Variants in FSHR observed in about 807,000 individuals in gnomAD.
FSHR encodes follicle stimulating hormone receptor.
Under a neutral mutation model 52.1 loss-of-function variants are expected in FSHR, and 46 were observed. That is an observed-to-expected ratio of 0.88 (90% CI 0.70 to 1.13). The LOEUF is 1.13. Ranked by LOEUF, FSHR falls within the 50% of genes most tolerant of loss-of-function variation. The pLI, the probability that FSHR is intolerant of heterozygous loss-of-function variation, is 0.00. For synonymous variants in FSHR, 399 were observed against 309.6 expected (o/e 1.29, Z -3.03); for missense variants, 964 against 834.6 (o/e 1.16, Z -1.91).
intron 2 of FSHR, among the ~76,000 whole-genome samples, chr2:49,024,873 C>A (rs1667866411): frequency 6.6e-6 from 1 of 152,092 alleles, no homozygotes; most frequent in African/African-American, 2.4e-5. Flanking sequence ...TCCCTGAGTC[C>A]CCAGTGGTTG....
intron 2 of FSHR, among the ~76,000 whole-genome samples, chr2:49,022,794 C>T (rs926188353): frequency 6.6e-6 from 1 of 152,118 alleles, no homozygotes; most frequent in East Asian, 1.9e-4. Flanking sequence ...GTGCAAGGTG[C>T]CTTCATCCTC....
At chr2:49,120,203 G>A (rs1219115521) in intron 1 of FSHR, among the ~76,000 whole-genome samples, 3 of 152,140 alleles carry the variant, frequency 2.0e-5, no homozygotes, top group African/African-American at 4.8e-5. Flanking sequence ...CCAGAGAGGC[G>A]AAGGTTGCAG....
chr2:49,067,990 G>C lies in FSHR; in HGVS notation c.224+229C>G, dbSNP rs1669570363. ...GGGAGCAACCCCTTATTTGAGAAATGATGAAAATTGCTTGGATTGCTCTTT... is the reference window on the plus strand; with the variant it reads ...GGGAGCAACCCCTTATTTGAGAAATCATGAAAATTGCTTGGATTGCTCTTT... On this transcript the variant is annotated intron_variant, in intron 2 of 9. Coordinates refer to ENST00000406846, the MANE Select transcript of FSHR (RefSeq NM_000145.4). Among the ~76,000 whole-genome samples, 3 of 151,512 alleles carry C rather than the reference G, an allele frequency of 2.0e-5. No homozygotes were observed. In the South Asian group the frequency reaches 6.3e-4, roughly 32 times the overall value.
chr2:48,993,932 T>G (rs975185617), intron 4 of FSHR, among the ~76,000 whole-genome samples: 12 of 152,178 alleles, frequency 7.9e-5, no homozygotes, highest in African/African-American at 2.9e-4. Flanking sequence ...CCCTGATTTA[T>G]TCTCAATATA....
chr2:48,977,664 G>A (rs1421103382), intron 8 of FSHR, among the ~76,000 whole-genome samples: 1 of 152,178 alleles, frequency 6.6e-6, no homozygotes, highest in Non-Finnish European at 1.5e-5. Context: ...TTGTACTGGG[G>A]AGTAACATTC....
At chr2:49,041,257 G>C (rs964576842) in intron 2 of FSHR, among the ~76,000 whole-genome samples, 1 of 151,958 alleles carries the variant, frequency 6.6e-6, no homozygotes, top group Non-Finnish European at 1.5e-5. Flanking sequence ...GTATTTTTGT[G>C]GTGCTCATTT....
intron 2 of FSHR, among the ~76,000 whole-genome samples, chr2:49,056,785 A>G (rs866388805): frequency 2.0e-5 from 3 of 152,130 alleles, no homozygotes; most frequent in Non-Finnish European, 1.5e-5. Context: ...TCTCAAAAAA[A>G]TTTTAAAAAT....
intron 8 of FSHR, among the ~76,000 whole-genome samples, chr2:48,979,016 G>T (rs1311465952): frequency 6.6e-6 from 1 of 152,154 alleles, no homozygotes; most frequent in Non-Finnish European, 1.5e-5. Flanking sequence ...ACTGAGCAAG[G>T]CTTCCCAATT....
chr2:48,991,281 A>G (rs190265306), intron 4 of FSHR, among the ~76,000 whole-genome samples: 75 of 152,334 alleles, frequency 4.9e-4, no homozygotes, highest in Non-Finnish European at 7.6e-4. Flanking sequence ...AGCTGTGGGT[A>G]ATATAGCTGA....
chr2:49,043,633 C>T (rs944688737), intron 2 of FSHR, among the ~76,000 whole-genome samples: 6 of 152,142 alleles, frequency 3.9e-5, no homozygotes, highest in African/African-American at 1.4e-4. Context: ...TAGCATCTTG[C>T]CTAGAGAATC....
chr2:49,062,754 T>C (rs1198419316), intron 2 of FSHR, among the ~76,000 whole-genome samples: 2 of 151,878 alleles, frequency 1.3e-5, no homozygotes, highest in African/African-American at 4.8e-5. Flanking sequence ...ATGGGTCAAA[T>C]AGACATCTCT....
chr2:48,978,181 G>T (rs538503983), intron 8 of FSHR, among the ~76,000 whole-genome samples: 51 of 152,236 alleles, frequency 3.4e-4, no homozygotes, highest in Admixed American at 7.8e-4. Context: ...AGGCAGGAGA[G>T]GCAGGAGTTA....
intron 6 of FSHR, among the ~76,000 whole-genome samples, chr2:48,986,292 G>C (rs1675512075): frequency 6.6e-6 from 1 of 152,074 alleles, no homozygotes; most frequent in South Asian, 2.1e-4. Context: ...TTGCTGCAAA[G>C]GGCATGATCT....
chr2:48,979,921 C>G (rs1675171658), intron 8 of FSHR, among the ~76,000 whole-genome samples: 1 of 152,166 alleles, frequency 6.6e-6, no homozygotes, highest in Non-Finnish European at 1.5e-5. Flanking sequence ...CATACTCCTA[C>G]TCTTACCTCT....
At position 49,127,895 on chromosome 2, in the gene FSHR, C is replaced by CT. The variant is rs750861663; in HGVS notation, c.152+26370dup. The stretch of plus-strand genomic sequence containing the variant: ...TCTTCTTCTTCTTCTTCTTCTTCTT[C>CT]TTCTTTTTTTTTTTTGAGACGGAGT... On this transcript the variant is annotated intron_variant, in intron 1 of 9. Coordinates refer to ENST00000406846, the MANE Select transcript of FSHR (RefSeq NM_000145.4). Among the ~76,000 whole-genome samples the CT allele has an allele frequency of 5.4e-4, 12 of 22,196 alleles. 1 individual carries two copies. Among genetic ancestry groups the CT allele is most frequent in the East Asian group, 2.7e-3 (1 of 366 alleles). The allele number at this position is 22,196 out of a possible 152,430, so 14.6% of individuals were successfully genotyped here.
intron 4 of FSHR, among the ~76,000 whole-genome samples, chr2:49,014,327 C>A (rs907859402): frequency 1.2e-4 from 18 of 152,070 alleles, no homozygotes; most frequent in African/African-American, 3.6e-4. Context: ...AATTGGTCAC[C>A]TCCAGCTTTT....
chr2:48,983,117 C>T lies in FSHR; in HGVS notation c.574G>A (p.Gly192Arg), dbSNP rs1478175781. The T allele has an allele frequency of 6.2e-7, 1 of 1,614,062 alleles. No homozygotes were observed. The highest frequency in any genetic ancestry group is 1.7e-5 in the Admixed American group (1 of 60,022). Residue 192 changes from glycine to arginine, a missense_variant, in exon 7 of 10, where the codon GGA becomes AGA. Coordinates refer to ENST00000406846, the MANE Select transcript of FSHR (RefSeq NM_000145.4). Reference sequence around the variant, plus strand: ...ACTTACAGCTCATCTAGTTGGGTTCCATTGAATGCACAGTTGTGTATTTCT... The same window carrying T: ...ACTTACAGCTCATCTAGTTGGGTTCTATTGAATGCACAGTTGTGTATTTCT... ...IQEIHNCAFNGTQLDELNLSD... is the reference protein window; with the variant it reads ...IQEIHNCAFNRTQLDELNLSD...
At position 49,068,267 on chromosome 2, in the gene FSHR, C is replaced by T. The variant is rs867447724; in HGVS notation, c.176G>A (p.Arg59Gln). ...IELRFVLTKL[R>Q]VIQKGAFSGF... Reference sequence around the variant, plus strand: ...TGAAAATGCACCTTTTTGGATGACTCGAAGCTTGGTGAGGACAAACCTCCT... The same window carrying T: ...TGAAAATGCACCTTTTTGGATGACTTGAAGCTTGGTGAGGACAAACCTCCT... The change falls in exon 2 of 10, where the codon CGA (arginine) becomes CAA (glutamine). Residue 59 changes from arginine (R) to glutamine (Q), a missense_variant. Arg to Gln is a conservative substitution (Grantham distance 43, BLOSUM62 1). Coordinates refer to ENST00000406846, the MANE Select transcript of FSHR (RefSeq NM_000145.4). The T allele has an allele frequency of 9.9e-6, 16 of 1,611,350 alleles. No individual in the cohort carries two copies. The highest frequency in any genetic ancestry group is 1.7e-4 in the Middle Eastern group (1 of 6,046).
In FSHR at chr2:49,082,975, G is replaced by A. The variant is rs574072419; in HGVS notation, c.153-14685C>T. ...ATCGAGCAAGGCAGGCCAACATTCA[G>A]ATTCAGGAAATACAGAGAACGCCAC... On this transcript the variant is annotated intron_variant, in intron 1 of 9. Transcript: ENST00000406846. 1.9e-3 allele frequency among the ~76,000 whole-genome samples: 291 copies of A among 151,776 alleles called. 1 individual carries two copies. Among genetic ancestry groups the A allele is most frequent in the African/African-American group, 6.7e-3 (279 of 41,348 alleles).
Sources: allele counts gnomAD v4.1 joint callset (sites outside exome capture counted in the v4.1 genomes callset), GRCh38; gene constraint gnomAD v4.1.1; transcripts MANE v1.5; gene names NCBI Gene and HGNC (gene_info 2026-07-23, HGNC 2026-07-21).